The following MEIKIN variants were observed in gnomAD, a reference collection of about 807,000 sequenced individuals.
MEIKIN encodes meiotic kinetochore factor.
rs747090966 is a variant in MEIKIN, at chr5:131,917,514, C to T, written c.599-589G>A. On this transcript the variant is annotated intron_variant, in intron 6 of 12. Transcript: ENST00000442687. ...CCAGGAGGTGGAGGCTGCAGTGAGCCGAGATTGCGCCACTGCACTCCAGCC... is the reference window on the plus strand; with the variant it reads ...CCAGGAGGTGGAGGCTGCAGTGAGCTGAGATTGCGCCACTGCACTCCAGCC... Among the ~76,000 whole-genome samples, 5 of 146,102 alleles carry T rather than the reference C, an allele frequency of 3.4e-5. No individual in the cohort carries two copies. The East Asian group carries it at 7.9e-4, about 23-fold the overall frequency.
At chr5:131,857,297 G>GA (rs1237265055) in intron 9 of MEIKIN, among the ~76,000 whole-genome samples, 1 of 151,952 alleles carries the variant, frequency 6.6e-6, no homozygotes. Flanking sequence ...TGATTTTCTG[G>GA]AAAAAAATAA....
chr5:131,873,104 A>ATT (rs1750537960), intron 9 of MEIKIN, among the ~76,000 whole-genome samples: 1 of 152,248 alleles, frequency 6.6e-6, no homozygotes, highest in South Asian at 2.1e-4. Context: ...CGAGCAAAAT[A>ATT]GCCAGCTGAC....
chr5:131,945,327 C>A (rs1422531419), intron 1 of MEIKIN, 73 bp downstream of exon 1: 1 of 399,002 alleles, frequency 2.5e-6, no homozygotes, highest in Admixed American at 4.4e-5. Context: ...AGGCCTAGCA[C>A]CCCCGCCCGC....
chr5:131,830,776 T>G (rs570850970), intron 11 of MEIKIN, among the ~76,000 whole-genome samples: 214 of 152,178 alleles, frequency 1.4e-3, no homozygotes, highest in Middle Eastern at 0.014. Flanking sequence ...TGTGACAAAG[T>G]AAGCCACAAG....
intron 11 of MEIKIN, among the ~76,000 whole-genome samples, chr5:131,848,978 C>G (rs1255720801): frequency 6.6e-6 from 1 of 152,194 alleles, no homozygotes; most frequent in East Asian, 1.9e-4. Flanking sequence ...ATCTTCTCAA[C>G]TGATGCTGAA....
At chr5:131,890,678 C>A (rs796948142) in intron 8 of MEIKIN, among the ~76,000 whole-genome samples, 1 of 152,150 alleles carries the variant, frequency 6.6e-6, no homozygotes, top group Non-Finnish European at 1.5e-5. Flanking sequence ...CTCCTGGATT[C>A]ATTGATTTTT....
intron 4 of MEIKIN, among the ~76,000 whole-genome samples, chr5:131,937,378 G>A (rs761567914): frequency 6.6e-6 from 1 of 151,928 alleles, no homozygotes; most frequent in Non-Finnish European, 1.5e-5. Flanking sequence ...CTCACCTCTG[G>A]GTGACAAGAG....
In MEIKIN at chr5:131,945,544, G is replaced by A. The variant is rs915178983; in HGVS notation, c.-39C>T. On this transcript the variant is annotated 5_prime_UTR_variant, in exon 1 of 13. Transcript: ENST00000442687. ...TACCCCCAGGCCACGGGTGCCTCTG[G>A]ACTCTCGATGGCCTGCCTTCCTGAG... 1 of 399,926 alleles carries A rather than the reference G, an allele frequency of 2.5e-6. No individual in the cohort carries two copies. The highest frequency in any genetic ancestry group is 4.4e-6 in the Non-Finnish European group (1 of 226,140). The allele number at this position is 399,926 out of a possible 1,614,324, so 24.8% of individuals were successfully genotyped here. A position where few individuals can be genotyped will look rare whatever the true frequency, so the allele number is the denominator to read the frequency against.
intron 11 of MEIKIN, among the ~76,000 whole-genome samples, chr5:131,833,801 G>T (rs745307336): frequency 4.6e-5 from 7 of 152,122 alleles, no homozygotes; most frequent in Admixed American, 6.6e-5. Context: ...TTTGGGTGGG[G>T]ACACAGCCAA....
intron 10 of MEIKIN, among the ~76,000 whole-genome samples, chr5:131,853,880 T>C (rs1750153369): frequency 6.6e-6 from 1 of 152,176 alleles, no homozygotes; most frequent in Non-Finnish European, 1.5e-5. Context: ...GGAACCCTTG[T>C]GCATTTTGCT....
rs554731401 is a variant in MEIKIN at position 131,833,395 on chromosome 5, T to C, written c.976-14532A>G. 7.2e-5 allele frequency among the ~76,000 whole-genome samples: 11 copies of C among 152,322 alleles called. No homozygotes were observed. The South Asian group carries it at 2.3e-3, about 32-fold the overall frequency. ...ATTGTTTATATTGCAATCAACATTT[T>C]TGTCAAAGCCACTCAACAAGTCTCT... On this transcript the variant is annotated intron_variant, in intron 11 of 12. Coordinates refer to ENST00000442687, the MANE Select transcript of MEIKIN (RefSeq NM_001303622.2).
At chr5:131,836,446 G>A (rs376123543) in intron 11 of MEIKIN, among the ~76,000 whole-genome samples, 1 of 152,146 alleles carries the variant, frequency 6.6e-6, no homozygotes, top group Non-Finnish European at 1.5e-5. Flanking sequence ...TGGTAGTTCT[G>A]TTTTTAGCTG....
At chr5:131,853,601 AT>A (rs1363979542) in intron 10 of MEIKIN, among the ~76,000 whole-genome samples, 2 of 152,362 alleles carry the variant, frequency 1.3e-5, no homozygotes, top group East Asian at 3.9e-4. Flanking sequence ...TTATTTGTAA[AT>A]CATATGTTGG....
At chr5:131,885,984 TAAG>T (rs1206792580) in intron 8 of MEIKIN, among the ~76,000 whole-genome samples, 1 of 152,082 alleles carries the variant, frequency 6.6e-6, no homozygotes, top group Non-Finnish European at 1.5e-5. Context: ...TAAAAAGAAA[TAAG>T]AAATTCTGGA....
chr5:131,904,312 A>G (rs1057035393), intron 8 of MEIKIN, among the ~76,000 whole-genome samples: 3 of 152,222 alleles, frequency 2.0e-5, no homozygotes, highest in Non-Finnish European at 4.4e-5. Flanking sequence ...ACACTTGACC[A>G]AATGGATCTA....
chr5:131,927,221 CTTT>C (rs1219907636), intron 5 of MEIKIN, among the ~76,000 whole-genome samples: 3 of 152,074 alleles, frequency 2.0e-5, no homozygotes, highest in African/African-American at 7.2e-5. Context: ...TTGATTTCTT[CTTT>C]GACTCACTGG....
At chr5:131,857,369 C>A (rs1190518620) in intron 9 of MEIKIN, among the ~76,000 whole-genome samples, 1 of 152,104 alleles carries the variant, frequency 6.6e-6, no homozygotes, top group Non-Finnish European at 1.5e-5. Flanking sequence ...ACAGGTGGAG[C>A]AGGATGGCCA....
chr5:131,825,087 C>A (rs1749589147), intron 11 of MEIKIN, among the ~76,000 whole-genome samples: 1 of 151,980 alleles, frequency 6.6e-6, no homozygotes, highest in Admixed American at 6.6e-5. Context: ...GTAGTCCCAG[C>A]CACTCAAGAG....
At chr5:131,878,160 A>T (rs1464462529) in intron 9 of MEIKIN, among the ~76,000 whole-genome samples, 2 of 152,228 alleles carry the variant, frequency 1.3e-5, no homozygotes, top group Non-Finnish European at 2.9e-5. Context: ...ACTTATATAG[A>T]GTATATACTC....
Sources: gnomAD v4.1 joint callset for allele counts (sites outside exome capture counted in the v4.1 genomes callset) on GRCh38, gnomAD v4.1.1 for gene constraint, MANE v1.5 for transcripts, NCBI Gene and HGNC (gene_info 2026-07-23, HGNC 2026-07-21) for gene names.